ME2: variants seen among roughly 807,000 people sequenced by gnomAD.
ME2 encodes the protein malic enzyme 2, also known as NAD-dependent malic enzyme, mitochondrial.
Under a neutral mutation model 73.7 loss-of-function variants are expected in ME2, and 60 were observed. The ratio of observed to expected loss-of-function variants is 0.81; its 90% CI spans 0.66 to 1.01. The LOEUF (loss-of-function observed/expected upper bound fraction) is 1.01. ME2 is among the 50% of genes least tolerant of loss of function. The pLI, the probability that ME2 is intolerant of heterozygous loss-of-function variation, is 0.00. For synonymous variants in ME2, 199 were observed against 236.9 expected, an observed-to-expected ratio of 0.84 and a Z score of 1.47; for missense variants, 594 against 705.5, an observed-to-expected ratio of 0.84 and a Z score of 1.79.
chr18:50,890,027 C>G (rs963726925), intron 1 of ME2, among the ~76,000 whole-genome samples: 1 of 151,952 alleles, frequency 6.6e-6, no homozygotes, highest in Non-Finnish European at 1.5e-5. Context: ...AAATAATATT[C>G]ATTTAGCTGA....
intron 2 of ME2, among the ~76,000 whole-genome samples, chr18:50,896,161 G>A (rs1332632357): frequency 3.9e-5 from 6 of 152,028 alleles, no homozygotes; most frequent in Admixed American, 3.9e-4. Context: ...TTGATTCCTA[G>A]TTCTAGCTTT....
intron 15 of ME2, among the ~76,000 whole-genome samples, chr18:50,941,695 T>G (rs1917965820): frequency 6.6e-6 from 1 of 150,612 alleles, no homozygotes; most frequent in Non-Finnish European, 1.5e-5. Flanking sequence ...TTTTTTTTTT[T>G]TGGGATAAAT....
chr18:50,895,999 G>C, intron 2 of ME2, 71 bp downstream of exon 2: 2 of 1,045,432 alleles, frequency 1.9e-6, no homozygotes, highest in South Asian at 1.4e-5. Flanking sequence ...AGACTGATAA[G>C]GTGTGACATA....
At chr18:50,880,614 C>A (rs1472325517) in intron 1 of ME2, among the ~76,000 whole-genome samples, 1 of 152,144 alleles carries the variant, frequency 6.6e-6, no homozygotes, top group East Asian at 1.9e-4. Context: ...ACGGGGGCTT[C>A]GCCGTATTGG....
intron 2 of ME2, among the ~76,000 whole-genome samples, chr18:50,898,248 C>G (rs1162980936): frequency 6.6e-6 from 1 of 152,068 alleles, no homozygotes; most frequent in Non-Finnish European, 1.5e-5. Flanking sequence ...TCAAGGTATA[C>G]CTGCTCTTTG....
chr18:50,881,939 T>C (rs112720685), intron 1 of ME2, among the ~76,000 whole-genome samples: 28 of 152,302 alleles, frequency 1.8e-4, no homozygotes, highest in African/African-American at 6.7e-4. Context: ...AAATGCAAAT[T>C]GGGGAGGTTG....
intron 7 of ME2, among the ~76,000 whole-genome samples, chr18:50,919,249 T>A (rs582571): frequency 0.99 from 150,411 of 152,316 alleles, 74,277 homozygotes; most frequent in East Asian, 1. Flanking sequence ...GTGCTTCATT[T>A]TGTCATTCTT....
At chr18:50,911,400 C>A (rs183242085) in intron 3 of ME2, among the ~76,000 whole-genome samples, 291 of 152,250 alleles carry the variant, frequency 1.9e-3, no homozygotes, top group Non-Finnish European at 3.4e-3. Context: ...CCACATATTG[C>A]TATTAATAGT....
At chr18:50,884,832 TTGTGTGTGTTTGTG>T (rs1186983552) in intron 1 of ME2, among the ~76,000 whole-genome samples, 1 of 35,788 alleles carries the variant, frequency 2.8e-5, no homozygotes, top group Non-Finnish European at 5.4e-5. Flanking sequence ...TCACCAAAGT[TTGTGTGTGTTTGTG>T]TGTGTGTGTG....
chr18:50,890,441 T>C (rs1916580772), intron 1 of ME2, among the ~76,000 whole-genome samples: 1 of 152,182 alleles, frequency 6.6e-6, no homozygotes, highest in Non-Finnish European at 1.5e-5. Context: ...AAGTGAATTT[T>C]AATAAAACCT....
At chr18:50,897,555 G>A (rs898733679) in intron 2 of ME2, among the ~76,000 whole-genome samples, 8 of 148,638 alleles carry the variant, frequency 5.4e-5, no homozygotes, top group African/African-American at 1.7e-4. Flanking sequence ...GAGAAACTTC[G>A]TCTCTACTAA....
At chr18:50,915,947 T>C in intron 4 of ME2, 1 of 404,200 alleles carries the variant, frequency 2.5e-6, no homozygotes, top group Non-Finnish European at 4.4e-6. Context: ...AAAATGACTG[T>C]ATCATTTAAC....
chr18:50,925,330 T>C (rs990306975), intron 11 of ME2, among the ~76,000 whole-genome samples: 9 of 151,984 alleles, frequency 5.9e-5, no homozygotes, highest in Non-Finnish European at 8.8e-5. Flanking sequence ...AATACAAAAA[T>C]TAGCCGGGCG....
intron 3 of ME2, among the ~76,000 whole-genome samples, chr18:50,912,315 A>G (rs1011389539): frequency 6.6e-6 from 1 of 152,204 alleles, no homozygotes; most frequent in Non-Finnish European, 1.5e-5. Context: ...TGTAGACCTT[A>G]TAATACTTCT....
rs1252086210 is a variant in ME2 at position 50,932,305 on chromosome 18, T to G, written c.1362T>G (p.Leu454=). The change falls in exon 13 of 16, where the codon CTT becomes CTG. Residue 454 remains leucine, a synonymous_variant. Transcript: ENST00000321341. The stretch of plus-strand genomic sequence containing the variant: ...GCAGTCCATTTGGGCCAGTGAAACT[T>G]ACAGATGGGCGAGTCTTTACACCAG... The part of the protein sequence containing the change: ...ASGSPFGPVK[L]TDGRVFTPGQ... 1 of 1,613,134 alleles carries G rather than the reference T, an allele frequency of 6.2e-7. No individual in the cohort carries two copies. Among genetic ancestry groups the G allele is most frequent in the Admixed American group, 1.7e-5 (1 of 59,950 alleles).
At position 50,950,467 on chromosome 18, in the gene ME2, C is replaced by CTATTTTTTTCT. The variant is rs1918197699; in HGVS notation, c.*3284_*3285insATTTTTTTCTT. On this transcript the variant is annotated 3_prime_UTR_variant, in exon 16 of 16. Transcript: ENST00000321341. ...GCCTGGGGTGGGGCCTCAGATTCTG[C>CTATTTTTTTCT]TTTTTTTTTTTTTTTTTTTTTTTTT... 9 of 45,074 alleles carry CTATTTTTTTCT rather than the reference C, an allele frequency of 2.0e-4. No homozygotes were observed. Among genetic ancestry groups the CTATTTTTTTCT allele is most frequent in the African/African-American group, 8.0e-4 (9 of 11,286 alleles). 2.8% of individuals were successfully genotyped at this position (45,074 alleles called of 1,614,324 possible).
At chr18:50,884,773 A>G (rs572972373) in intron 1 of ME2, among the ~76,000 whole-genome samples, 122 of 152,326 alleles carry the variant, frequency 8.0e-4, no homozygotes, top group Non-Finnish European at 1.6e-3. Flanking sequence ...TTGATTCAAA[A>G]TAAAATGTAT....
At chr18:50,928,742 A>G (rs886762391) in intron 12 of ME2, among the ~76,000 whole-genome samples, 8 of 152,150 alleles carry the variant, frequency 5.3e-5, no homozygotes, top group Non-Finnish European at 8.8e-5. Flanking sequence ...TTTGGGTATG[A>G]ATCATCAAAA....
intron 1 of ME2, among the ~76,000 whole-genome samples, chr18:50,894,895 T>G (rs1916698677): frequency 6.6e-6 from 1 of 151,614 alleles, no homozygotes; most frequent in African/African-American, 2.4e-5. Flanking sequence ...AAAAAAAATT[T>G]TTTTGAAATG....
Sources: gnomAD v4.1 joint callset for allele counts (sites outside exome capture counted in the v4.1 genomes callset) on GRCh38, gnomAD v4.1.1 for gene constraint, MANE v1.5 for transcripts, NCBI Gene and HGNC (gene_info 2026-07-23, HGNC 2026-07-21) for gene names.